Variants in SP140 observed in about 807,000 individuals in gnomAD.
SP140 encodes SP140 nuclear body protein, also known as nuclear body protein SP140.
In SP140, 81 loss-of-function variants were observed where a neutral mutation model predicts 125.0. The observed-to-expected ratio is 0.65, with a 90% CI of 0.54 to 0.78. The LOEUF (loss-of-function observed/expected upper bound fraction) is 0.78, where lower values mean the gene tolerates loss of function less well. Ranked by LOEUF, SP140 falls within the 30% of genes least tolerant of loss-of-function variation. The pLI is 0.00. For synonymous variants in SP140, 312 were observed against 354.0 expected, an observed-to-expected ratio of 0.88 and a Z score of 1.33; for missense variants, 858 against 1,037.0, an observed-to-expected ratio of 0.83 and a Z score of 2.37.
At chr2:230,316,514 T>G (rs756834679), downstream of SP140, among the ~76,000 whole-genome samples, 1 of 152,210 alleles carries the variant, frequency 6.6e-6, no homozygotes, top group Non-Finnish European at 1.5e-5. Context: ...TTATCAACTT[T>G]TTTCACTTAA....
chr2:230,258,946 A>G lies in SP140; in HGVS notation c.1240+3414A>G, dbSNP rs538246244. Among the ~76,000 whole-genome samples, 11 of 152,232 alleles carry G rather than the reference A, an allele frequency of 7.2e-5. No homozygotes were observed. In the South Asian group the frequency reaches 2.3e-3, roughly 32 times the overall value. ...ACAGAGTTAAAGTTGATCCAAGTAC[A>G]AAATCTCCAGAACCATGGACTAATG... is the stretch of plus-strand genomic sequence containing the variant. On this transcript the variant is annotated intron_variant, in intron 12 of 26. Coordinates refer to ENST00000392045, the MANE Select transcript of SP140 (RefSeq NM_007237.5).
Position 230,290,446 on chromosome 2 carries a change from A to G in SP140, c.1721-14A>G, listed in dbSNP as rs558183053. On this transcript the variant is annotated splice_polypyrimidine_tract_variant and intron_variant, in intron 18 of 26. Transcript: ENST00000392045. ...TTGCAAAGTGAGACAGAATGAAGAA[A>G]TCCTCTCTTTCAGCTTCAAGAAAGC... is the stretch of plus-strand genomic sequence containing the variant. The G allele has an allele frequency of 1.1e-4, 173 of 1,612,422 alleles. 3 individuals carry two copies. In the South Asian group the frequency reaches 1.8e-3, roughly 17 times the overall value.
chr2:230,199,081 A>G (rs2043007074), upstream of SP140, among the ~76,000 whole-genome samples: 1 of 151,460 alleles, frequency 6.6e-6, no homozygotes, highest in African/African-American at 2.4e-5. Flanking sequence ...AGGACCCTAC[A>G]GTGTATGACA....
At chr2:230,292,460 G>A (rs562800123) in intron 19 of SP140, among the ~76,000 whole-genome samples, 186 bp from the exon 20 acceptor site, 14 of 152,286 alleles carry the variant, frequency 9.2e-5, no homozygotes, top group African/African-American at 3.1e-4. Flanking sequence ...CCCCCACCAG[G>A]AAATATCCTT....
At chr2:230,201,622 T>C (rs1441170452), upstream of SP140, among the ~76,000 whole-genome samples, 1 of 152,212 alleles carries the variant, frequency 6.6e-6, no homozygotes, top group Non-Finnish European at 1.5e-5. Context: ...AGAGCACATA[T>C]AAAGCACTTC....
chr2:230,238,773 C>A (rs971515339), intron 3 of SP140: 2 of 1,551,144 alleles, frequency 1.3e-6, no homozygotes, highest in Admixed American at 3.9e-5. Flanking sequence ...AATTTATCAT[C>A]CAGTGCAGTC....
intron 16 of SP140, 50 bp from the exon 17 acceptor site, chr2:230,285,702 C>A: frequency 6.9e-7 from 1 of 1,447,610 alleles, no homozygotes; most frequent in Non-Finnish European, 9.7e-7. Context: ...TGCCTGACAG[C>A]TGTTGTTCTG....
At chr2:230,238,567 A>G (rs918076415) in intron 3 of SP140, 186 bp downstream of exon 3, 10 of 743,754 alleles carry the variant, frequency 1.3e-5, no homozygotes, top group Non-Finnish European at 1.9e-5. Flanking sequence ...ATACAGTGGG[A>G]GTGACAGACG....
At chr2:230,240,426 G>A (rs898072405) in intron 3 of SP140, among the ~76,000 whole-genome samples, 1 of 152,118 alleles carries the variant, frequency 6.6e-6, no homozygotes, top group Non-Finnish European at 1.5e-5. Flanking sequence ...TCTAACAAAG[G>A]ATTGTACTCA....
At chr2:230,286,134 A>C (rs1279961927) in intron 17 of SP140, among the ~76,000 whole-genome samples, 1 of 152,210 alleles carries the variant, frequency 6.6e-6, no homozygotes, top group Non-Finnish European at 1.5e-5. Context: ...GTAAATTGTA[A>C]GCCGAATACA....
intron 1 of SP140, among the ~76,000 whole-genome samples, chr2:230,229,130 A>G (rs912233376): frequency 6.6e-6 from 1 of 152,008 alleles, no homozygotes; most frequent in Non-Finnish European, 1.5e-5. Context: ...AAATTACACT[A>G]TATCACTTCA....
At chr2:230,220,543 A>G (rs557176520) in intron 3 of SP140, among the ~76,000 whole-genome samples, 1 of 152,328 alleles carries the variant, frequency 6.6e-6, no homozygotes, top group South Asian at 2.1e-4. Flanking sequence ...ACCTCCAGGC[A>G]GAAAAATGGC....
chr2:230,218,412 G>A (rs2045465491), intron 3 of SP140, among the ~76,000 whole-genome samples: 1 of 152,166 alleles, frequency 6.6e-6, no homozygotes. Context: ...AGAGTCTGTG[G>A]TGGTAAAGAA....
chr2:230,200,171 A>G (rs188017658), upstream of SP140, among the ~76,000 whole-genome samples: 5 of 152,318 alleles, frequency 3.3e-5, no homozygotes, highest in East Asian at 7.7e-4. Flanking sequence ...TTTCCTGACA[A>G]TAATTAGATA....
At chr2:230,229,505 T>C (rs1193676774) in intron 1 of SP140, among the ~76,000 whole-genome samples, 3 of 144,614 alleles carry the variant, frequency 2.1e-5, no homozygotes, top group Admixed American at 6.9e-5. Flanking sequence ...TCTCACTCTG[T>C]TGCCCAGGCT....
At chr2:230,291,516 A>G (rs2057112008) in intron 19 of SP140, among the ~76,000 whole-genome samples, 1 of 152,206 alleles carries the variant, frequency 6.6e-6, no homozygotes, top group Non-Finnish European at 1.5e-5. Context: ...GTGGAATCCT[A>G]TAATACATGC....
At chr2:230,222,085 C>T (rs371620349), upstream of SP140, among the ~76,000 whole-genome samples, 11 of 152,248 alleles carry the variant, frequency 7.2e-5, no homozygotes, top group East Asian at 1.9e-3. Context: ...AAAAAATTAG[C>T]TGGGCGTGGT....
chr2:230,186,254 G>A, the SP140 span: 3 of 1,061,656 alleles, frequency 2.8e-6, no homozygotes, highest in South Asian at 1.4e-5. Context: ...CTTTTCTTGT[G>A]TGTATCTTTC....
At chr2:230,310,444 A>G in intron 23 of SP140, 1 of 600,392 alleles carries the variant, frequency 1.7e-6, no homozygotes, top group Non-Finnish European at 2.8e-6. Context: ...CCAGTTTCTG[A>G]AACTCAGGCC....
Sources: gnomAD v4.1 joint callset for allele counts (sites outside exome capture counted in the v4.1 genomes callset) on GRCh38, gnomAD v4.1.1 for gene constraint, MANE v1.5 for transcripts, NCBI Gene and HGNC (gene_info 2026-07-23, HGNC 2026-07-21) for gene names.